The following PFKFB2 variants were observed in gnomAD, a reference collection of about 807,000 sequenced individuals.
PFKFB2 encodes 6-phosphofructo-2-kinase/fructose-2,6-bisphosphatase 2.
PFKFB2 carries 53 observed loss-of-function variants against 68.0 expected under a neutral mutation model. The observed-to-expected ratio is 0.78, with a 90% CI of 0.63 to 0.98. The LOEUF is 0.98. Among genes scored for constraint, PFKFB2 ranks in the 50% least tolerant of loss-of-function variants. The pLI, the probability that PFKFB2 is intolerant of heterozygous loss-of-function variation, is 0.00. For synonymous variants in PFKFB2, 222 were observed against 227.6 expected, an observed-to-expected ratio of 0.98 and a Z score of 0.22; for missense variants, 451 against 642.0, an observed-to-expected ratio of 0.70 and a Z score of 3.22.
At chr1:207,050,581 C>T (rs1250060631), upstream of PFKFB2, 8 of 1,469,130 alleles carry the variant, frequency 5.4e-6, no homozygotes, top group Non-Finnish European at 5.6e-6. Context: ...GGCCTCAAAG[C>T]CCCCCCGCCG....
chr1:207,070,896 C>A lies in PFKFB2; in HGVS notation c.1223-292C>A. On this transcript the variant is annotated intron_variant, in intron 12 of 14. Transcript: ENST00000367080. This position sits in a 1 kb window ranked among gnomAD's most constrained non-coding sequence, Gnocchi z 4.2. The stretch of plus-strand genomic sequence containing the variant: ...CTGCTTGGAAGCTGTTGTGGTCAGA[C>A]CTTATTGGCCTTTGCTGTACCCAGG... 5.5e-6 allele frequency: 2 copies of A among 360,882 alleles called. No individual in the cohort carries two copies. 22.4% of individuals were successfully genotyped at this position (360,882 alleles called of 1,614,324 possible). A position where few individuals can be genotyped will look rare whatever the true frequency, so the allele number is the denominator to read the frequency against.
At chr1:207,038,499 T>C (rs998285793) in intron 1 of PFKFB2, among the ~76,000 whole-genome samples, 1 of 152,228 alleles carries the variant, frequency 6.6e-6, no homozygotes, top group Non-Finnish European at 1.5e-5. Flanking sequence ...ATATTTCATT[T>C]CCTTCTGCAA....
downstream of PFKFB2, chr1:207,079,356 TG>T (rs1683707978): frequency 6.0e-6 from 2 of 335,746 alleles, no homozygotes; most frequent in Non-Finnish European, 1.1e-5. Context: ...CATCCTTTGC[TG>T]GCTCTTTTTT....
intron 10 of PFKFB2, 34 bp from the exon 11 acceptor site, chr1:207,069,390 T>C (rs1254457675): frequency 4.9e-6 from 7 of 1,437,238 alleles, no homozygotes; most frequent in Non-Finnish European, 5.9e-6. Flanking sequence ...GTACAGTCTA[T>C]CTCTTCAAGC....
Position 207,063,697 on chromosome 1 carries a change from G to A in PFKFB2, c.451-76G>A. On this transcript the variant is annotated intron_variant, in intron 6 of 14. Transcript: ENST00000367080. This position sits in a 1 kb window ranked among gnomAD's most constrained non-coding sequence, Gnocchi z 4.1. ...CCTGGGAGATGTGGTGGCTGGGTGG[G>A]GTAGATGAGCATGTGCTCTTAATTA... 8.3e-7 allele frequency: 1 copy of A among 1,200,542 alleles called. No homozygotes were observed. The highest frequency in any genetic ancestry group is 1.2e-6 in the Non-Finnish European group (1 of 803,036). The allele number at this position is 1,200,542 out of a possible 1,614,324, so 74.4% of individuals were successfully genotyped here. A position where few individuals can be genotyped will look rare whatever the true frequency, so the allele number is the denominator to read the frequency against.
intron 1 of PFKFB2, among the ~76,000 whole-genome samples, chr1:207,039,672 T>C (rs1682442200): frequency 6.6e-6 from 1 of 152,212 alleles, no homozygotes. Flanking sequence ...TTATGGTAGT[T>C]GTTTCTTGAT....
In PFKFB2 at chr1:207,075,060, C is replaced by T; in HGVS notation, c.*2689C>T. ...CTTCTGCTGTGAGGTAAGAGTAATT[C>T]AGACCTAATGAATGAGAAGAGGGAG... On this transcript the variant is annotated 3_prime_UTR_variant, in exon 15 of 15. Transcript: ENST00000367080. The T allele has an allele frequency of 1.0e-6, 1 of 985,442 alleles. No individual in the cohort carries two copies. The highest frequency in any genetic ancestry group is 1.2e-6 in the Non-Finnish European group (1 of 829,932). 61.0% of individuals were successfully genotyped at this position (985,442 alleles called of 1,614,324 possible).
At chr1:207,052,203 T>C (rs751376373), upstream of PFKFB2, 13 of 1,612,698 alleles carry the variant, frequency 8.1e-6, no homozygotes, top group African/African-American at 4.0e-5. Context: ...TAAAAGACTT[T>C]GCTTCTGAAT....
intron 1 of PFKFB2, among the ~76,000 whole-genome samples, chr1:207,040,419 T>G (rs1682454225): frequency 6.6e-6 from 1 of 152,106 alleles, no homozygotes; most frequent in African/African-American, 2.4e-5. Flanking sequence ...CTTCACTTCG[T>G]GTATGGAAGG....
chr1:207,080,006 A>C (rs1029747108), downstream of PFKFB2: 63 of 152,146 alleles, frequency 4.1e-4, no homozygotes, highest in African/African-American at 1.4e-3. Flanking sequence ...ACTGGTCACT[A>C]TTGTGGTCAC....
intron 3 of PFKFB2, 38 bp downstream of exon 3, chr1:207,062,116 G>A: frequency 6.2e-7 from 1 of 1,613,580 alleles, no homozygotes; most frequent in Non-Finnish European, 8.5e-7. Flanking sequence ...ACAATTATTA[G>A]TTCCTGGGCC....
At chr1:207,051,268 C>T (rs950805973), upstream of PFKFB2, among the ~76,000 whole-genome samples, 12 of 152,082 alleles carry the variant, frequency 7.9e-5, no homozygotes, top group Non-Finnish European at 1.8e-4. Context: ...GGAAGGAGTT[C>T]CTGAATGAAG....
chr1:207,065,942 T>C (rs1683275026), intron 8 of PFKFB2, among the ~76,000 whole-genome samples: 1 of 152,228 alleles, frequency 6.6e-6, no homozygotes, highest in East Asian at 1.9e-4. Context: ...AGGATACCCT[T>C]TGGAGATGTG....
At chr1:207,050,607 G>T (rs534379065), upstream of PFKFB2, 1 of 1,581,476 alleles carries the variant, frequency 6.3e-7, no homozygotes, top group South Asian at 1.1e-5. Context: ...CAGCCACCTT[G>T]CCTTGACTGG....
intron 8 of PFKFB2, among the ~76,000 whole-genome samples, chr1:207,065,779 G>A (rs148081224): frequency 2.0e-5 from 3 of 152,266 alleles, no homozygotes; most frequent in African/African-American, 7.2e-5. Flanking sequence ...ATTGTAGGAT[G>A]TTCAGCAGCT....
chr1:207,046,312 A>G (rs1682600837), intron 2 of PFKFB2: 1 of 152,116 alleles, frequency 6.6e-6, no homozygotes, highest in Non-Finnish European at 1.5e-5. Context: ...TAGATTTTCA[A>G]AATTCCCAAG....
rs958634626 is a variant in PFKFB2 at position 207,077,205 on chromosome 1, C to G, written c.*4834C>G. 1 of 985,236 alleles carries G rather than the reference C, an allele frequency of 1.0e-6. No individual in the cohort carries two copies. The highest frequency in any genetic ancestry group is 6.1e-5 in the Admixed American group (1 of 16,262). The allele number at this position is 985,236 out of a possible 1,614,324, so 61.0% of individuals were successfully genotyped here. A position where few individuals can be genotyped will look rare whatever the true frequency, so the allele number is the denominator to read the frequency against. On this transcript the variant is annotated 3_prime_UTR_variant, in exon 15 of 15. Coordinates refer to ENST00000367080, the MANE Select transcript of PFKFB2 (RefSeq NM_006212.2). ...CTGTTCATTTCTGAAGCTTCTGTGT[C>G]CCCAGCTTACCCTGTTCTGAAATGT... is the stretch of plus-strand genomic sequence containing the variant.
At chr1:207,040,139 G>C (rs935380094) in intron 1 of PFKFB2, among the ~76,000 whole-genome samples, 1 of 152,214 alleles carries the variant, frequency 6.6e-6, no homozygotes, top group Non-Finnish European at 1.5e-5. Context: ...TATACACTCA[G>C]TGAGATAGGT....
intron 10 of PFKFB2, 141 bp from the exon 11 acceptor site, chr1:207,069,283 C>A: frequency 1.7e-6 from 1 of 578,884 alleles, no homozygotes; most frequent in Non-Finnish European, 3.1e-6. Flanking sequence ...TCACAGGCAG[C>A]TGCAATACAT....
Sources: allele counts gnomAD v4.1 joint callset (sites outside exome capture counted in the v4.1 genomes callset), GRCh38; gene constraint gnomAD v4.1.1; non-coding constraint Gnocchi (gnomAD v3.1); transcripts MANE v1.5; gene names NCBI Gene and HGNC (gene_info 2026-07-23, HGNC 2026-07-21).